Variants in RABL6 observed in about 807,000 individuals in gnomAD.
RABL6 encodes the protein rab-like protein 6.
In RABL6, 28 loss-of-function variants were observed where a neutral mutation model predicts 72.9. That is an observed-to-expected ratio of 0.38 (90% CI 0.28 to 0.53). The LOEUF (loss-of-function observed/expected upper bound fraction) is 0.53. Among genes scored for constraint, RABL6 ranks in the 20% least tolerant of loss-of-function variants. The pLI, the probability that RABL6 is intolerant of heterozygous loss-of-function variation, is 0.80. For missense variants in RABL6, 1,029 were observed against 1,008.4 expected (o/e 1.02, Z -0.28); for synonymous variants, 477 against 421.2 (o/e 1.13, Z -1.62).
chr9:136,819,092 G>A (rs1240219652), intron 1 of RABL6, among the ~76,000 whole-genome samples: 3 of 152,316 alleles, frequency 2.0e-5, no homozygotes, highest in Non-Finnish European at 4.4e-5. Context: ...GGAGGCCAAG[G>A]CGAGTGGATC....
Position 136,839,784 on chromosome 9 carries a change from C to A in RABL6, c.1849C>A (p.Pro617Thr). 1 of 1,612,878 alleles carries A rather than the reference C, an allele frequency of 6.2e-7. No homozygotes were observed. The highest frequency in any genetic ancestry group is 8.5e-7 in the Non-Finnish European group (1 of 1,179,834). Residue 617 changes from proline (P) to threonine (T), a missense_variant, in exon 13 of 15, where the codon CCC becomes ACC. Around this residue, in one of 2 missense-constraint regions of RABL6, gnomAD observed 595 missense variants for 472.4 expected, o/e 1.26. Coordinates refer to ENST00000311502, the MANE Select transcript of RABL6 (RefSeq NM_024718.5). ...EPPPPPKLPL[P>T]AFRLKNDSDL... ...GCCCCCACCCCCCAAGCTCCCTCTC[C>A]CCGCCTTCAGACTGAAGAATGACTC...
intron 5 of RABL6, among the ~76,000 whole-genome samples, 200 bp from the exon 6 acceptor site, chr9:136,831,521 G>A (rs1416048251): frequency 6.6e-6 from 1 of 152,146 alleles, no homozygotes; most frequent in Non-Finnish European, 1.5e-5. Context: ...AGGGACGGGC[G>A]GGGGCTGCAG....
At chr9:136,821,519 G>A in intron 1 of RABL6, 2 of 985,344 alleles carry the variant, frequency 2.0e-6, no homozygotes, top group East Asian at 1.1e-4. Flanking sequence ...ATGCGTGCGC[G>A]GCCCGGGCAG....
At chr9:136,812,044 T>C (rs186094848) in intron 1 of RABL6, among the ~76,000 whole-genome samples, 19 of 152,358 alleles carry the variant, frequency 1.2e-4, no homozygotes, top group Admixed American at 1.0e-3. Context: ...TATAAAATTA[T>C]TAGGAAAATT....
intron 8 of RABL6, chr9:136,836,102 G>C: frequency 2.4e-6 from 1 of 413,584 alleles, no homozygotes; most frequent in Non-Finnish European, 4.4e-6. Context: ...CCGTGGCCAG[G>C]TGCTGGTGCT....
chr9:136,818,888 A>G lies in RABL6; in HGVS notation c.131-4637A>G, dbSNP rs1053812576. On this transcript the variant is annotated intron_variant, in intron 1 of 14. Transcript: ENST00000311502. ...GGACAGTCAAGGCGTTCAGATCTCT[A>G]TATTATTATTAAGAAGAAGTGTTAA... Among the ~76,000 whole-genome samples the G allele has an allele frequency of 2.0e-4, 30 of 152,226 alleles. 1 individual carries two copies. Among genetic ancestry groups the G allele is most frequent in the Non-Finnish European group, 4.1e-4 (28 of 68,050 alleles).
In RABL6 at chr9:136,808,331, GT is replaced by G; in HGVS notation, c.130+6del. The G allele has an allele frequency of 6.6e-7, 1 of 1,519,050 alleles. No individual in the cohort carries two copies. The highest frequency in any genetic ancestry group is 8.8e-7 in the Non-Finnish European group (1 of 1,134,628). 94.1% of individuals were successfully genotyped at this position (1,519,050 alleles called of 1,614,324 possible). A position where few individuals can be genotyped will look rare whatever the true frequency, so the allele number is the denominator to read the frequency against. On this transcript the variant is annotated splice_donor_region_variant and intron_variant, in intron 1 of 14. Coordinates refer to ENST00000311502, the MANE Select transcript of RABL6 (RefSeq NM_024718.5). ...CCAAGGGGGTGCAGTACAACAGTGA[GT>G]GCGGCGGGCCGGGGGGGCGCGGGAG...
chr9:136,822,197 G>C (rs966059825), intron 1 of RABL6: 63 of 907,250 alleles, frequency 6.9e-5, no homozygotes, highest in East Asian at 6.1e-4. Flanking sequence ...GAAAACCTGG[G>C]GGGGGCGTTG....
At chr9:136,822,193 C>CG (rs1848252126) in intron 1 of RABL6, 1 of 914,086 alleles carries the variant, frequency 1.1e-6, no homozygotes, top group Non-Finnish European at 1.4e-6. Context: ...GACAGAAAAC[C>CG]TGGGGGGGGC....
intron 4 of RABL6, 62 bp from the exon 5 acceptor site, chr9:136,829,329 CTG>C (rs1331103031): frequency 6.4e-6 from 8 of 1,258,028 alleles, no homozygotes; most frequent in Admixed American, 2.0e-5. Flanking sequence ...TTTTCTAAAA[CTG>C]TGGGCCACAC....
At position 136,808,103 on chromosome 9, in the gene RABL6, G is replaced by C. The variant is rs1192565141; in HGVS notation, c.-94G>C. 3.1e-6 allele frequency: 4 copies of C among 1,286,748 alleles called. No homozygotes were observed. The highest frequency in any genetic ancestry group is 2.0e-5 in the South Asian group (1 of 49,586). The allele number at this position is 1,286,748 out of a possible 1,614,324, so 79.7% of individuals were successfully genotyped here. The stretch of plus-strand genomic sequence containing the variant: ...CGCGCCGGCTCCGGCCTCCGGGGGG[G>C]CCGGGGCCGCCGGGACATGGTGCCA... On this transcript the variant is annotated 5_prime_UTR_variant, in exon 1 of 15. Coordinates refer to ENST00000311502, the MANE Select transcript of RABL6 (RefSeq NM_024718.5).
rs1848667409 is a variant in RABL6 at position 136,840,361 on chromosome 9, A to ATCTTCTT, written c.2029_2030insTCTTCTT (p.Lys677IlefsTer32). The ATCTTCTT allele has an allele frequency of 6.4e-7, 1 of 1,558,746 alleles. No individual in the cohort carries two copies. On this transcript the variant is annotated frameshift_variant, in exon 15 of 15. Coordinates refer to ENST00000311502, the MANE Select transcript of RABL6 (RefSeq NM_024718.5). LOFTEE classifies it low-confidence loss of function (END_TRUNC). ...TGCCAAGAAGAAGAGCAAACACAAG[A>ATCTTCTT]AGAGCAAGGACAAGGAGGAGGGCAA...
chr9:136,836,089 T>G (rs1443542664), intron 8 of RABL6: 1 of 428,268 alleles, frequency 2.3e-6, no homozygotes, highest in Non-Finnish European at 4.2e-6. Flanking sequence ...TGAGTACCGC[T>G]GACCGTGGCC....
chr9:136,813,225 T>C (rs1395542638), intron 1 of RABL6: 2 of 529,590 alleles, frequency 3.8e-6, no homozygotes, highest in Admixed American at 2.5e-5. Flanking sequence ...CCAGTTTCCC[T>C]TTTATTACAG....
intron 7 of RABL6, chr9:136,834,086 G>C (rs1250446061): frequency 1.5e-6 from 2 of 1,365,462 alleles, no homozygotes; most frequent in African/African-American, 2.9e-5. Context: ...TGTTCAAGCA[G>C]ATCTGATGTC....
chr9:136,816,904 A>G (rs182346203), intron 1 of RABL6, among the ~76,000 whole-genome samples: 5 of 152,180 alleles, frequency 3.3e-5, no homozygotes, highest in Non-Finnish European at 7.3e-5. Flanking sequence ...GAGAGAAAAT[A>G]AGACTCTTCA....
intron 1 of RABL6, chr9:136,821,298 GTC>G (rs1229770235): frequency 1.0e-6 from 1 of 982,420 alleles, no homozygotes; most frequent in East Asian, 1.1e-4. Context: ...CGCTGTGACC[GTC>G]TCTGCGCTCT....
At chr9:136,820,063 G>A (rs1848205742) in intron 1 of RABL6, among the ~76,000 whole-genome samples, 1 of 152,090 alleles carries the variant, frequency 6.6e-6, no homozygotes, top group African/African-American at 2.4e-5. Flanking sequence ...ATTAGGCATG[G>A]CGGCTTGCGC....
chr9:136,837,169 C>T, intron 8 of RABL6, 177 bp from the exon 9 acceptor site: 1 of 776,006 alleles, frequency 1.3e-6, no homozygotes, highest in Admixed American at 2.0e-5. Flanking sequence ...GCCACCGTGC[C>T]TGGCTGGCAC....
Sources: gnomAD v4.1 joint callset for allele counts (sites outside exome capture counted in the v4.1 genomes callset) on GRCh38, gnomAD v4.1.1 for gene constraint, gnomAD v4.1.1 regional missense constraint, MANE v1.5 for transcripts, NCBI Gene and HGNC (gene_info 2026-07-23, HGNC 2026-07-21) for gene names.